The following C1QTNF1 variants were observed in gnomAD, a reference collection of about 807,000 sequenced individuals.
C1QTNF1 encodes complement C1q tumor necrosis factor-related protein 1.
In C1QTNF1, 22 loss-of-function variants were observed where a neutral mutation model predicts 27.8. The observed-to-expected ratio is 0.79, with a 90% CI of 0.56 to 1.13. The LOEUF (loss-of-function observed/expected upper bound fraction) is 1.13, where lower values mean the gene tolerates loss of function less well. C1QTNF1 is among the 50% of genes most tolerant of loss of function. The probability of loss-of-function intolerance (pLI) is 0.00; values close to 1 mark genes in which losing one functional copy is unlikely to be tolerated. For missense variants in C1QTNF1, 373 were observed against 380.2 expected (o/e 0.98, Z 0.16); for synonymous variants, 166 against 154.3 (o/e 1.08, Z -0.56).
intron 1 of C1QTNF1, among the ~76,000 whole-genome samples, chr17:79,032,206 G>C (rs528666069): frequency 6.6e-6 from 1 of 152,184 alleles, no homozygotes; most frequent in Non-Finnish European, 1.5e-5. Flanking sequence ...AGCACACCCA[G>C]GTCTGGGCAA....
intron 3 of C1QTNF1, chr17:79,047,019 C>T (rs1171152141): frequency 6.1e-6 from 2 of 328,858 alleles, no homozygotes; most frequent in Non-Finnish European, 1.1e-5. Context: ...GGCTTGGTCC[C>T]CCAGCCTGCT....
intron 1 of C1QTNF1, chr17:79,043,243 G>A: frequency 2.2e-6 from 1 of 446,250 alleles, no homozygotes; most frequent in Non-Finnish European, 4.4e-6. Context: ...CATGTGATAT[G>A]GGTATATGTA....
rs1330542156 is a variant in C1QTNF1, at chr17:79,046,242, CT to C, written c.156-311del. Among the ~76,000 whole-genome samples, 1 of 152,182 alleles carries C rather than the reference CT, an allele frequency of 6.6e-6. No homozygotes were observed. The highest frequency in any genetic ancestry group is 1.5e-5 in the Non-Finnish European group (1 of 68,038). ...ATACGATAGGGAGTCCCGGCATTGT[CT>C]TGTGTCACCCAAAGACCCTCTCTTA... On this transcript the variant is annotated intron_variant, in intron 2 of 3. Coordinates refer to ENST00000579760, the MANE Select transcript of C1QTNF1 (RefSeq NM_030968.5). This position sits in a 1 kb window ranked among gnomAD's most constrained non-coding sequence, Gnocchi z 4.8.
At chr17:79,035,622 G>C (rs776568479) in intron 1 of C1QTNF1, among the ~76,000 whole-genome samples, 1 of 152,066 alleles carries the variant, frequency 6.6e-6, no homozygotes, top group African/African-American at 2.4e-5. Flanking sequence ...GTAGAGACAG[G>C]GTTTTACCAT....
At chr17:79,033,984 T>G (rs1304135690) in intron 1 of C1QTNF1, among the ~76,000 whole-genome samples, 1 of 152,108 alleles carries the variant, frequency 6.6e-6, no homozygotes. Context: ...GCCAGTGGGA[T>G]GCTGTGCTGA....
In C1QTNF1 at chr17:79,046,322, G is replaced by T. The variant is rs528461987; in HGVS notation, c.156-233G>T. ...CATCTTGCGTGGCACTCAATTGATCGCTGCGTGTGTTTCCAGGACTGTCAT... is the reference window on the plus strand; with the variant it reads ...CATCTTGCGTGGCACTCAATTGATCTCTGCGTGTGTTTCCAGGACTGTCAT... On this transcript the variant is annotated intron_variant, in intron 2 of 3. Coordinates refer to ENST00000579760, the MANE Select transcript of C1QTNF1 (RefSeq NM_030968.5). This position sits in a 1 kb window ranked among gnomAD's most constrained non-coding sequence, Gnocchi z 4.8. Among the ~76,000 whole-genome samples the T allele has an allele frequency of 2.0e-5, 3 of 152,158 alleles. No homozygotes were observed. Among genetic ancestry groups the T allele is most frequent in the Non-Finnish European group, 4.4e-5 (3 of 68,020 alleles).
chr17:79,042,214 T>C (rs544107020), intron 1 of C1QTNF1, among the ~76,000 whole-genome samples: 136 of 152,342 alleles, frequency 8.9e-4, no homozygotes, highest in African/African-American at 3.2e-3. Context: ...GTGGGGAGGT[T>C]TTCGGCCCAC....
chr17:79,044,596 C>T (rs556202935), intron 2 of C1QTNF1, among the ~76,000 whole-genome samples: 5 of 152,258 alleles, frequency 3.3e-5, no homozygotes, highest in Admixed American at 2.0e-4. Context: ...GAGAGGACAG[C>T]GGAGACTGGG....
At chr17:79,045,371 C>G (rs1224533177) in intron 2 of C1QTNF1, among the ~76,000 whole-genome samples, 1 of 152,034 alleles carries the variant, frequency 6.6e-6, no homozygotes, top group Admixed American at 6.6e-5. Context: ...CACCTGAACT[C>G]AATCCTACAA....
At chr17:79,047,213 T>C (rs2072602084) in intron 3 of C1QTNF1, 1 of 322,704 alleles carries the variant, frequency 3.1e-6, no homozygotes, top group Admixed American at 4.4e-5. Flanking sequence ...CGAACCCGTA[T>C]GTTCCATTTT....
intron 1 of C1QTNF1, among the ~76,000 whole-genome samples, chr17:79,040,120 G>A (rs2072364030): frequency 6.6e-6 from 1 of 152,156 alleles, no homozygotes; most frequent in African/African-American, 2.4e-5. Context: ...GTCACCCACG[G>A]TCTGCTGAGT....
intron 1 of C1QTNF1, among the ~76,000 whole-genome samples, chr17:79,030,487 TTCTTTCTTTCTTTC>T (rs2072104030): frequency 3.2e-5 from 2 of 62,950 alleles, no homozygotes; most frequent in Non-Finnish European, 6.6e-5. Context: ...TTCTTTCTTT[TTCTTTCTTTCTTTC>T]TTTCTTTCTT....
intron 2 of C1QTNF1, among the ~76,000 whole-genome samples, chr17:79,044,683 G>T (rs2072521170): frequency 6.6e-6 from 1 of 152,226 alleles, no homozygotes; most frequent in South Asian, 2.1e-4. Context: ...TGCAATGACA[G>T]AGAGACTCCA....
Position 79,046,444 on chromosome 17 carries a change from TGA to T in C1QTNF1, c.156-105_156-104del. ...GAACACAGAGCCTTGTGGGTCCAGG[TGA>T]GAGAGTGAGAAGGCAGGTCAGGCAT... On this transcript the variant is annotated intron_variant, in intron 2 of 3. Coordinates refer to ENST00000579760, the MANE Select transcript of C1QTNF1 (RefSeq NM_030968.5). The surrounding 1 kb of genome is among the most constrained non-coding windows in gnomAD (Gnocchi z 4.8). The T allele has an allele frequency of 7.0e-7, 1 of 1,437,272 alleles. No individual in the cohort carries two copies. Among genetic ancestry groups the T allele is most frequent in the Non-Finnish European group, 9.6e-7 (1 of 1,039,692 alleles). 89.0% of individuals were successfully genotyped at this position (1,437,272 alleles called of 1,614,324 possible).
rs1006109765 is a variant in C1QTNF1 at position 79,024,192 on chromosome 17, TGC to T, written c.-313_-312del. On this transcript the variant is annotated 5_prime_UTR_variant, in exon 1 of 4. Coordinates refer to ENST00000579760, the MANE Select transcript of C1QTNF1 (RefSeq NM_030968.5). Reference sequence around the variant, plus strand: ...TCACATCTGGCTGGGCTTCGCTCCTTGCGCGTCTGTCCCACTTTCTCCCTCTC... The same window carrying T: ...TCACATCTGGCTGGGCTTCGCTCCTTGCGTCTGTCCCACTTTCTCCCTCTC... 1.3e-5 allele frequency: 2 copies of T among 152,356 alleles called. No homozygotes were observed. The highest frequency in any genetic ancestry group is 4.8e-5 in the African/African-American group (2 of 41,466). 9.4% of individuals were successfully genotyped at this position (152,356 alleles called of 1,614,324 possible). A position where few individuals can be genotyped will look rare whatever the true frequency, so the allele number is the denominator to read the frequency against.
At chr17:79,040,790 T>C (rs963843374) in intron 1 of C1QTNF1, among the ~76,000 whole-genome samples, 7 of 151,214 alleles carry the variant, frequency 4.6e-5, no homozygotes, top group African/African-American at 1.7e-4. Flanking sequence ...TGCAGTCCCT[T>C]CTACTTGTGA....
At chr17:79,045,287 T>TGCTGGAG (rs947214201) in intron 2 of C1QTNF1, among the ~76,000 whole-genome samples, 5 of 152,094 alleles carry the variant, frequency 3.3e-5, no homozygotes, top group African/African-American at 1.2e-4. Flanking sequence ...TGAGACCCAG[T>TGCTGGAG]GCTGGAGGCT....
chr17:79,047,767 C>G lies in C1QTNF1; in HGVS notation c.525C>G (p.Tyr175Ter). Residue 175 changes from tyrosine to a stop codon, truncating the protein, a stop_gained, in exon 4 of 4, where the codon TAC (tyrosine) becomes TAG (stop). Coordinates refer to ENST00000579760, the MANE Select transcript of C1QTNF1 (RefSeq NM_030968.5). LOFTEE classifies it high-confidence loss of function. ...VIFDTEFVNL[Y>*]DHFNMFTGKF... ...TCGACACGGAGTTCGTGAACCTCTA[C>G]GACCACTTCAACATGTTCACCGGCA... 1.9e-6 allele frequency: 3 copies of G among 1,614,170 alleles called. No homozygotes were observed. Among genetic ancestry groups the G allele is most frequent in the Non-Finnish European group, 2.5e-6 (3 of 1,180,028 alleles).
chr17:79,030,509 C>CT (rs780221519), intron 1 of C1QTNF1, among the ~76,000 whole-genome samples: 1 of 133,908 alleles, frequency 7.5e-6, no homozygotes, highest in Non-Finnish European at 1.6e-5. Flanking sequence ...TTCTTTCTTT[C>CT]TTTCTTTCTT....
Sources: allele counts gnomAD v4.1 joint callset (sites outside exome capture counted in the v4.1 genomes callset), GRCh38; gene constraint gnomAD v4.1.1; non-coding constraint Gnocchi (gnomAD v3.1); transcripts MANE v1.5; gene names NCBI Gene and HGNC (gene_info 2026-07-23, HGNC 2026-07-21).